Variants in CCNY observed in about 807,000 individuals in gnomAD.
The protein encoded by CCNY is cyclin-Y.
Under a neutral mutation model 42.8 loss-of-function variants are expected in CCNY, and 19 were observed. That is an observed-to-expected ratio of 0.44 (90% confidence interval 0.31 to 0.65). The LOEUF is 0.65. Among genes scored for constraint, CCNY ranks in the 30% least tolerant of loss-of-function variants. The pLI is 0.07. For missense variants in CCNY, 370 were observed against 437.3 expected, an observed-to-expected ratio of 0.85 and a Z score of 1.37; for synonymous variants, 165 against 162.7, an observed-to-expected ratio of 1.01 and a Z score of -0.11.
At chr10:35,512,920 C>T (rs1378935609) in intron 3 of CCNY, among the ~76,000 whole-genome samples, 1 of 152,122 alleles carries the variant, frequency 6.6e-6, no homozygotes, top group Non-Finnish European at 1.5e-5. Flanking sequence ...TCCTCCTCAT[C>T]ATCCTGCGCT....
intron 2 of CCNY, among the ~76,000 whole-genome samples, chr10:35,250,330 A>G (rs986876848): frequency 2.0e-5 from 3 of 152,100 alleles, no homozygotes; most frequent in Non-Finnish European, 4.4e-5. Context: ...GCACCACTGC[A>G]CTCCAGCCTG....
At chr10:35,455,161 G>A (rs1317650291) in intron 1 of CCNY, among the ~76,000 whole-genome samples, 4 of 152,150 alleles carry the variant, frequency 2.6e-5, no homozygotes, top group Non-Finnish European at 4.4e-5. Flanking sequence ...ATGCCAACAA[G>A]TAGCATTTCC....
chr10:35,412,521 G>C (rs1296196593), intron 1 of CCNY, among the ~76,000 whole-genome samples: 1 of 151,990 alleles, frequency 6.6e-6, no homozygotes, highest in Non-Finnish European at 1.5e-5. Context: ...GTTCTCAGAG[G>C]AGGGGGGACA....
At chr10:35,386,953 G>T (rs537690803) in intron 1 of CCNY, among the ~76,000 whole-genome samples, 2 of 152,100 alleles carry the variant, frequency 1.3e-5, no homozygotes, top group African/African-American at 4.8e-5. Context: ...CTTTGTGCAC[G>T]TTCACATTCT....
intron 1 of CCNY, among the ~76,000 whole-genome samples, chr10:35,444,343 G>A (rs978292189): frequency 6.6e-6 from 1 of 151,848 alleles, no homozygotes; most frequent in Non-Finnish European, 1.5e-5. Flanking sequence ...TGCCCCCCGG[G>A]TTCAAGCTAT....
At chr10:35,445,341 C>A (rs990648794) in intron 1 of CCNY, among the ~76,000 whole-genome samples, 1 of 152,302 alleles carries the variant, frequency 6.6e-6, no homozygotes, top group Admixed American at 6.5e-5. Context: ...TGCTGTTTCC[C>A]ACGGAGCCTG....
chr10:35,531,916 C>T (rs746186585), intron 7 of CCNY, among the ~76,000 whole-genome samples: 1 of 152,266 alleles, frequency 6.6e-6, no homozygotes, highest in African/African-American at 2.4e-5. Flanking sequence ...CTGCATCACT[C>T]ACCAAAGGTG....
chr10:35,430,663 T>C (rs925776537), intron 1 of CCNY, among the ~76,000 whole-genome samples: 1 of 152,144 alleles, frequency 6.6e-6, no homozygotes, highest in African/African-American at 2.4e-5. Flanking sequence ...CAATGTCCAT[T>C]GGAATTGAGG....
chr10:35,293,501 A>C (rs1191324515), intron 3 of CCNY, among the ~76,000 whole-genome samples: 1 of 152,156 alleles, frequency 6.6e-6, no homozygotes, highest in Non-Finnish European at 1.5e-5. Context: ...TCTGCAAAGA[A>C]GTTAGCTGGA....
chr10:35,432,602 A>G (rs928321215), intron 1 of CCNY, among the ~76,000 whole-genome samples: 10 of 152,224 alleles, frequency 6.6e-5, no homozygotes, highest in East Asian at 1.9e-4. Context: ...TAGAGCATAT[A>G]TATCTGTCCA....
chr10:35,291,684 G>A (rs1415554140), intron 3 of CCNY, among the ~76,000 whole-genome samples: 5 of 151,574 alleles, frequency 3.3e-5, no homozygotes, highest in African/African-American at 7.3e-5. Flanking sequence ...TTACAGGCAC[G>A]CACCACCATG....
In CCNY at chr10:35,299,143, G is replaced by A. The variant is rs559954116; in HGVS notation, c.-9+48517G>A. ...AAATTGCATTTTGTTGGAGAAGCCC[G>A]GTATGTGATTTCAATCCTGCTGGAT... On this transcript the variant is annotated intron_variant, in intron 3 of 11. Coordinates refer to the CCNY transcript ENST00000374706. Among the ~76,000 whole-genome samples the A allele has an allele frequency of 5.3e-5, 8 of 152,290 alleles. No individual in the cohort carries two copies. The South Asian group carries it at 1.7e-3, about 32-fold the overall frequency.
intron 3 of CCNY, among the ~76,000 whole-genome samples, chr10:35,502,835 T>A (rs1317994668): frequency 2.6e-5 from 4 of 152,164 alleles, no homozygotes; most frequent in African/African-American, 9.7e-5. Context: ...TCCATTTCTT[T>A]GCCTGCTGGG....
intron 1 of CCNY, among the ~76,000 whole-genome samples, chr10:35,356,401 G>A (rs765842015): frequency 1.3e-5 from 2 of 152,192 alleles, no homozygotes; most frequent in Non-Finnish European, 2.9e-5. Flanking sequence ...CTGGTGCAGT[G>A]GTTTTGGGAA....
intron 3 of CCNY, among the ~76,000 whole-genome samples, chr10:35,269,484 A>G (rs1450346497): frequency 6.6e-6 from 1 of 151,556 alleles, no homozygotes; most frequent in Non-Finnish European, 1.5e-5. Flanking sequence ...TTGTATTTTT[A>G]GTAAAGGTGG....
chr10:35,404,887 G>A (rs1056791535), intron 1 of CCNY, among the ~76,000 whole-genome samples: 4 of 152,190 alleles, frequency 2.6e-5, no homozygotes, highest in Non-Finnish European at 5.9e-5. Flanking sequence ...GTACAGCCCA[G>A]GTAATTTGCT....
chr10:35,289,970 A>G (rs2135061785), intron 3 of CCNY, among the ~76,000 whole-genome samples: 1 of 151,948 alleles, frequency 6.6e-6, no homozygotes, highest in East Asian at 1.9e-4. Context: ...TTATGCCTGT[A>G]ATCTCAGCAC....
At chr10:35,355,431 A>G (rs548593820) in intron 1 of CCNY, among the ~76,000 whole-genome samples, 91 of 152,154 alleles carry the variant, frequency 6.0e-4, no homozygotes, top group African/African-American at 2.1e-3. Context: ...TAGTCCCAGC[A>G]CTTTGGGAGG....
chr10:35,391,689 G>T (rs142831092), intron 1 of CCNY, among the ~76,000 whole-genome samples: 21 of 152,292 alleles, frequency 1.4e-4, no homozygotes, highest in African/African-American at 5.1e-4. Flanking sequence ...GATAGTACCT[G>T]CCTTACTGGA....
Sources: gnomAD v4.1 joint callset for allele counts (sites outside exome capture counted in the v4.1 genomes callset) on GRCh38, gnomAD v4.1.1 for gene constraint, MANE v1.5 for transcripts, NCBI Gene and HGNC (gene_info 2026-07-23, HGNC 2026-07-21) for gene names.